ZIM2: variants seen among roughly 807,000 people sequenced by gnomAD.
The protein encoded by ZIM2 is zinc finger protein 656.
Under a neutral mutation model 38.6 loss-of-function variants are expected in ZIM2, and 14 were observed. The ratio of observed to expected loss-of-function variants is 0.36; its 90% CI spans 0.24 to 0.57. The LOEUF is 0.57. ZIM2 is among the 20% of genes least tolerant of loss of function. The pLI is 0.81. For synonymous variants in ZIM2, 247 were observed against 245.8 expected, an observed-to-expected ratio of 1.00 and a Z score of -0.04; for missense variants, 680 against 695.1, an observed-to-expected ratio of 0.98 and a Z score of 0.24.
intron 9 of ZIM2, among the ~76,000 whole-genome samples, chr19:56,791,819 T>A (rs1238166480): frequency 6.6e-6 from 1 of 152,200 alleles, no homozygotes; most frequent in Non-Finnish European, 1.5e-5. Flanking sequence ...TCCTTAGCTC[T>A]AATCTAATAA....
At chr19:56,807,320 G>C (rs1036748816) in intron 9 of ZIM2, among the ~76,000 whole-genome samples, 3 of 152,162 alleles carry the variant, frequency 2.0e-5, no homozygotes, top group African/African-American at 7.2e-5. Flanking sequence ...CCTCATGATG[G>C]GATGAGGGAA....
At chr19:56,781,893 G>A (rs1448158938) in intron 11 of ZIM2, 60 bp downstream of exon 11, 6 of 1,571,240 alleles carry the variant, frequency 3.8e-6, no homozygotes, top group Admixed American at 3.5e-5. Flanking sequence ...GGACACGAAG[G>A]AGTTGAGAGC....
intron 10 of ZIM2, among the ~76,000 whole-genome samples, chr19:56,788,563 C>T (rs1387133701): frequency 2.6e-5 from 4 of 152,144 alleles, no homozygotes; most frequent in Non-Finnish European, 1.5e-5. Context: ...ACCTTTCTCT[C>T]TGACTGCACT....
intron 2 of ZIM2, chr19:56,833,311 T>C (rs1407264219): frequency 3.0e-5 from 12 of 399,440 alleles, no homozygotes; most frequent in Non-Finnish European, 5.4e-5. Flanking sequence ...GGGGCTGGAA[T>C]TGAGAACTTT....
At chr19:56,798,894 A>C (rs2047360198) in intron 9 of ZIM2, 1 of 152,216 alleles carries the variant, frequency 6.6e-6, no homozygotes, top group African/African-American at 2.4e-5. Context: ...AGAGAAATGC[A>C]CATGAAAACC....
chr19:56,821,533 G>T (rs1273902337), intron 7 of ZIM2, 118 bp downstream of exon 7: 1 of 1,257,850 alleles, frequency 8.0e-7, no homozygotes, highest in Non-Finnish European at 1.1e-6. Context: ...TGGAGCGCTG[G>T]GACTCTCACC....
chr19:56,775,479 G>A lies in ZIM2; in HGVS notation c.886C>T (p.Leu296Phe), dbSNP rs1238704227. 3 of 1,613,854 alleles carry A rather than the reference G, an allele frequency of 1.9e-6. No homozygotes were observed. Among genetic ancestry groups the A allele is most frequent in the Non-Finnish European group, 1.7e-6 (2 of 1,179,978 alleles). The change falls in exon 13 of 13, where the codon CTT (leucine) becomes TTT (phenylalanine). Residue 296 changes from leucine to phenylalanine, a missense_variant. Transcript: ENST00000629319. The part of the protein sequence containing the change: ...LEPHQGNQEK[L>F]LTPITMNDPK... ...TCATTCATTGTTATAGGAGTCAAAA[G>A]TTTCTCTTGGTTGCCCTGGTGTGGT... is the stretch of plus-strand genomic sequence containing the variant.
chr19:56,808,412 A>G (rs904502493), intron 9 of ZIM2, among the ~76,000 whole-genome samples: 1 of 152,202 alleles, frequency 6.6e-6, no homozygotes, highest in African/African-American at 2.4e-5. Context: ...GCAGTAAGTC[A>G]GCAGACATTC....
chr19:56,821,887 C>T, intron 6 of ZIM2, 133 bp from the exon 7 acceptor site: 1 of 926,882 alleles, frequency 1.1e-6, no homozygotes, highest in Non-Finnish European at 1.7e-6. Flanking sequence ...TCTCTGCATT[C>T]TGTGGCAGCC....
At chr19:56,791,911 G>C (rs1183727529) in intron 9 of ZIM2, among the ~76,000 whole-genome samples, 1 of 151,870 alleles carries the variant, frequency 6.6e-6, no homozygotes, top group Non-Finnish European at 1.5e-5. Flanking sequence ...ATGCCCCCTT[G>C]CATCTAAAAT....
intron 9 of ZIM2, among the ~76,000 whole-genome samples, chr19:56,796,856 T>C (rs1445293180): frequency 6.6e-6 from 1 of 152,210 alleles, no homozygotes; most frequent in Non-Finnish European, 1.5e-5. Flanking sequence ...GCTATTCCAT[T>C]ACAGAGTAGG....
chr19:56,823,095 C>T (rs1243805096), intron 5 of ZIM2, among the ~76,000 whole-genome samples: 1 of 152,228 alleles, frequency 6.6e-6, no homozygotes, highest in Non-Finnish European at 1.5e-5. Context: ...CTAACCCCCA[C>T]TTCAGACTCT....
At chr19:56,836,354 G>A (rs1279686966) in intron 1 of ZIM2, among the ~76,000 whole-genome samples, 2 of 152,074 alleles carry the variant, frequency 1.3e-5, no homozygotes, top group Non-Finnish European at 2.9e-5. Context: ...TCAATTTCTG[G>A]GGTGTCTTAC....
At chr19:56,813,190 T>C (rs2059656662) in intron 9 of ZIM2, 5 of 956,618 alleles carry the variant, frequency 5.2e-6, no homozygotes, top group East Asian at 2.5e-4. Context: ...TTTGTTGCTC[T>C]CTTCCTCCTC....
At chr19:56,779,498 C>T in intron 11 of ZIM2, 26 bp from the exon 12 acceptor site, 25 of 1,608,812 alleles carry the variant, frequency 1.6e-5, no homozygotes, top group Non-Finnish European at 2.1e-5. Flanking sequence ...ACTGAGAACT[C>T]AGGGTTTCAG....
intron 1 of ZIM2, among the ~76,000 whole-genome samples, chr19:56,836,917 C>G (rs182756691): frequency 2.4e-3 from 349 of 143,234 alleles, no homozygotes; most frequent in African/African-American, 9.0e-3. Flanking sequence ...CTGCAGTGAG[C>G]CAAGATCACG....
Position 56,824,332 on chromosome 19 carries a change from T to G in ZIM2, c.-55A>C. On this transcript the variant is annotated 5_prime_UTR_variant, in exon 4 of 13. Coordinates refer to ENST00000629319, the MANE Select transcript of ZIM2 (RefSeq NM_001387356.1). The stretch of plus-strand genomic sequence containing the variant: ...GCTTCTCACAGTTCTCCGGCTTTTT[T>G]GCTCGCACCCAAGGCTTGAGCTTTT... The G allele has an allele frequency of 6.2e-7, 1 of 1,614,156 alleles. No homozygotes were observed. Among genetic ancestry groups the G allele is most frequent in the Non-Finnish European group, 8.5e-7 (1 of 1,180,038 alleles).
At chr19:56,817,668 G>A in intron 9 of ZIM2, 78 bp downstream of exon 9, 1 of 1,531,456 alleles carries the variant, frequency 6.5e-7, no homozygotes. Flanking sequence ...GTGATGTTTA[G>A]GAATGCAAAG....
chr19:56,796,264 A>G (rs534792361), intron 9 of ZIM2, among the ~76,000 whole-genome samples: 22 of 152,318 alleles, frequency 1.4e-4, no homozygotes, highest in Non-Finnish European at 2.8e-4. Flanking sequence ...CATACTTTAA[A>G]TCATCTCTAG....
Sources: allele counts gnomAD v4.1 joint callset (sites outside exome capture counted in the v4.1 genomes callset), GRCh38; gene constraint gnomAD v4.1.1; transcripts MANE v1.5; gene names NCBI Gene and HGNC (gene_info 2026-07-23, HGNC 2026-07-21).